TAF1: variants seen among roughly 807,000 people sequenced by gnomAD.
TAF1 encodes TATA-box binding protein associated factor 1.
A neutral mutation model predicts 138.5 loss-of-function variants in TAF1; 2 were observed. The ratio of observed to expected loss-of-function variants is 0.01; its 90% confidence interval spans 0.01 to 0.05. TAF1 has a LOEUF of 0.05. Ranked by LOEUF, TAF1 falls within the 10% of genes least tolerant of loss-of-function variation. The pLI, the probability that TAF1 is intolerant of heterozygous loss-of-function variation, is 1.00. For synonymous variants in TAF1, 437 were observed against 503.2 expected (o/e 0.87, Z 1.76); for missense variants, 709 against 1,478.0 (o/e 0.48, Z 8.53).
chrX:71,437,027 AC>A (rs1205158542), intron 32 of TAF1, among the ~76,000 whole-genome samples: 1 of 111,693 alleles, frequency 9.0e-6, no homozygotes, highest in African/African-American at 3.2e-5. Flanking sequence ...TTTTCTTCAT[AC>A]AGTTTCTAGG....
chrX:71,459,336 AGAT>A, intron 35 of TAF1: 2 of 1,036,782 alleles, frequency 1.9e-6, no homozygotes, highest in Non-Finnish European at 1.3e-6. Context: ...CCAAATCCTA[AGAT>A]GATATCAGGG....
At chrX:71,393,105 T>A in intron 20 of TAF1, 111 bp downstream of exon 20, 1 of 1,085,492 alleles carries the variant, frequency 9.2e-7, no homozygotes, top group Non-Finnish European at 1.2e-6. Context: ...TAGGGTATAG[T>A]AAGCTAAGTC....
chrX:71,516,469 C>A (rs948543950), intron 13 of TAF1, among the ~76,000 whole-genome samples: 1 of 109,443 alleles, frequency 9.1e-6, no homozygotes, highest in Admixed American at 9.9e-5. Flanking sequence ...CACTACTGAA[C>A]TGCACACTTA....
intron 13 of TAF1, among the ~76,000 whole-genome samples, chrX:71,496,311 TGGCCTCAGTGCTTTCG>T (rs1356396896): frequency 8.9e-6 from 1 of 112,308 alleles, no homozygotes; most frequent in Non-Finnish European, 1.9e-5. Context: ...GGGTTGTCAG[TGGCCTCAGTGCTTTCG>T]GGCTACACTC....
intron 14 of TAF1, among the ~76,000 whole-genome samples, chrX:71,528,992 T>G (rs2040051800): frequency 8.9e-6 from 1 of 112,115 alleles, no homozygotes. Flanking sequence ...CACAGAGCGC[T>G]AATTGGTGCA....
chrX:71,389,849 TG>T, intron 18 of TAF1, 184 bp downstream of exon 18: 2 of 343,792 alleles, frequency 5.8e-6, no homozygotes, highest in Non-Finnish European at 9.7e-6. Context: ...TTATATGATA[TG>T]GGTTTGTTTT....
chrX:71,429,254 G>A (rs1285541963), intron 32 of TAF1, among the ~76,000 whole-genome samples: 5 of 109,389 alleles, frequency 4.6e-5, no homozygotes, highest in African/African-American at 1.0e-4. Flanking sequence ...CAGCCTGGGC[G>A]ACAGAGCAAG....
intron 13 of TAF1, among the ~76,000 whole-genome samples, chrX:71,487,023 T>C (rs1602824111): frequency 9.1e-6 from 1 of 109,644 alleles, no homozygotes; most frequent in African/African-American, 3.3e-5. Flanking sequence ...ATTTTCTTCA[T>C]AATTACTGTA....
chrX:71,370,183 C>A (rs1446759175), intron 3 of TAF1, among the ~76,000 whole-genome samples: 5 of 112,087 alleles, frequency 4.5e-5, no homozygotes, highest in Non-Finnish European at 9.4e-5. Flanking sequence ...CGAAATGATG[C>A]TGCTGCATTC....
intron 5 of TAF1, 53 bp downstream of exon 5, chrX:71,377,244 A>T (rs961618903): frequency 2.2e-5 from 26 of 1,194,129 alleles, no homozygotes; most frequent in Non-Finnish European, 2.8e-5. Flanking sequence ...CTTCCAAATA[A>T]TGAGTTTTGT....
intron 4 of TAF1, among the ~76,000 whole-genome samples, chrX:71,376,065 C>G (rs1205959599): frequency 8.9e-6 from 1 of 111,918 alleles, no homozygotes; most frequent in East Asian, 2.8e-4. Context: ...CTTACCTATT[C>G]CTATAACAGT....
At chrX:71,520,506 C>A (rs749908030) in intron 13 of TAF1, among the ~76,000 whole-genome samples, 1,538 of 97,784 alleles carry the variant, frequency 0.016, 39 homozygotes, top group African/African-American at 0.055. Flanking sequence ...CATGGTGAAA[C>A]CCCCGTCTCT....
intron 21 of TAF1, 117 bp from the exon 22 acceptor site, chrX:71,393,950 C>T: frequency 2.7e-6 from 2 of 742,441 alleles, no homozygotes; most frequent in Non-Finnish European, 3.8e-6. Flanking sequence ...CTGTTAAGGG[C>T]CCCATGTCTT....
intron 32 of TAF1, among the ~76,000 whole-genome samples, chrX:71,429,705 T>C (rs1040695356): frequency 5.4e-5 from 6 of 111,365 alleles, no homozygotes; most frequent in African/African-American, 2.0e-4. Flanking sequence ...GTAAAGAAAC[T>C]ATTGACAGCA....
At position 71,410,454 on chromosome X, in the gene TAF1, C is replaced by CTT. The variant is rs57027102; in HGVS notation, c.4384+2323_4384+2324dup. Among the ~76,000 whole-genome samples the CTT allele has an allele frequency of 3.6e-3, 255 of 70,560 alleles. 1 individual carries two copies. The highest frequency in any genetic ancestry group is 6.4e-3 in the African/African-American group (112 of 17,393). 61.3% of individuals were successfully genotyped at this position (70,560 alleles called of 115,157 possible). On this transcript the variant is annotated intron_variant, in intron 28 of 37. Coordinates refer to ENST00000423759, the MANE Select transcript of TAF1 (RefSeq NM_004606.5). ...TTACCTTTAGGGGCATTTCTTTTTTCTTTTTTTTTTTTTTTTTTTTTGAGA... is the reference window on the plus strand; with the variant it reads ...TTACCTTTAGGGGCATTTCTTTTTTCTTTTTTTTTTTTTTTTTTTTTTTGAGA...
At chrX:71,456,310 T>G (rs1374783212) in intron 34 of TAF1, among the ~76,000 whole-genome samples, 1 of 112,076 alleles carries the variant, frequency 8.9e-6, no homozygotes, top group African/African-American at 3.2e-5. Context: ...ACCTGTTAGC[T>G]ATTTCTCTCT....
intron 13 of TAF1, among the ~76,000 whole-genome samples, chrX:71,508,395 G>A (rs926627655): frequency 2.8e-5 from 3 of 107,981 alleles, no homozygotes; most frequent in Non-Finnish European, 5.7e-5. Flanking sequence ...TTCAAGACCA[G>A]CCTCGGCAAC....
intron 13 of TAF1, chrX:71,491,035 TTGTTGTTG>T (rs1276782753): frequency 1.8e-4 from 18 of 98,332 alleles, no homozygotes; most frequent in African/African-American, 7.1e-4. Flanking sequence ...GTTGTTGTTG[TTGTTGTTG>T]TTTTTTTTTT....
chrX:71,367,727 G>C, intron 2 of TAF1, 114 bp downstream of exon 2: 2 of 890,224 alleles, frequency 2.2e-6, no homozygotes, highest in Non-Finnish European at 3.1e-6. Context: ...TTGGAGTGCA[G>C]TGGGGCGATC....
Sources: gnomAD v4.1 joint callset for allele counts (sites outside exome capture counted in the v4.1 genomes callset) on GRCh38, gnomAD v4.1.1 for gene constraint, MANE v1.5 for transcripts, NCBI Gene and HGNC (gene_info 2026-07-23, HGNC 2026-07-21) for gene names.